SCUBE1: variants seen among roughly 807,000 people sequenced by gnomAD.
SCUBE1 encodes signal peptide, CUB domain and EGF like domain containing 1.
A neutral mutation model predicts 124.4 loss-of-function variants in SCUBE1; 59 were observed. That is an observed-to-expected ratio of 0.47 (90% CI 0.38 to 0.59). SCUBE1 has a LOEUF of 0.59. Ranked by LOEUF, SCUBE1 falls within the 20% of genes least tolerant of loss-of-function variation. The pLI, the probability that SCUBE1 is intolerant of heterozygous loss-of-function variation, is 0.00. For synonymous variants in SCUBE1, 545 were observed against 550.9 expected (o/e 0.99, Z 0.15); for missense variants, 1,150 against 1,371.2 (o/e 0.84, Z 2.55).
chr22:43,280,351 G>A (rs1299793796), intron 4 of SCUBE1, among the ~76,000 whole-genome samples: 2 of 150,140 alleles, frequency 1.3e-5, no homozygotes, highest in Middle Eastern at 3.2e-3. Context: ...GGGCTCTGCC[G>A]AGAGTCAGCT....
intron 3 of SCUBE1, among the ~76,000 whole-genome samples, chr22:43,301,692 G>A (rs1401882390): frequency 3.3e-5 from 5 of 152,160 alleles, no homozygotes; most frequent in African/African-American, 4.8e-5. Context: ...CCTTGTGACT[G>A]TTTCTGTCTA....
At chr22:43,225,608 C>A (rs1601810053) in intron 10 of SCUBE1, among the ~76,000 whole-genome samples, 1 of 150,768 alleles carries the variant, frequency 6.6e-6, no homozygotes, top group African/African-American at 2.4e-5. Context: ...AACCTCGTCT[C>A]TATTAAAAAT....
At chr22:43,220,891 C>T (rs1306390574) in intron 13 of SCUBE1, among the ~76,000 whole-genome samples, 3 of 152,178 alleles carry the variant, frequency 2.0e-5, no homozygotes, top group African/African-American at 7.2e-5. Flanking sequence ...CGGCTCTGGG[C>T]AGAGCCTGCT....
At chr22:43,327,326 C>T (rs1447003228) in intron 2 of SCUBE1, among the ~76,000 whole-genome samples, 1 of 152,156 alleles carries the variant, frequency 6.6e-6, no homozygotes, top group Non-Finnish European at 1.5e-5. Context: ...GTCTCTGTCA[C>T]AAGATCACAT....
intron 6 of SCUBE1, among the ~76,000 whole-genome samples, chr22:43,254,101 C>T (rs189105507): frequency 5.0e-4 from 76 of 152,346 alleles, no homozygotes; most frequent in Admixed American, 8.5e-4. Flanking sequence ...CAGGCCAACC[C>T]GGACTGCCCA....
rs760568363 is a variant in SCUBE1 at position 43,214,101 on chromosome 22, G to A, written c.2042C>T (p.Ser681Leu). The change falls in exon 16 of 22, where the codon TCG (serine) becomes TTG (leucine). Residue 681 changes from serine to leucine, a missense_variant. Around this residue, in one of 3 missense-constraint regions of SCUBE1, gnomAD observed 757 missense variants for 840.9 expected, o/e 0.90. Transcript: ENST00000360835. ...AGGCCCGCACTTGCCTCCACATTCC[G>A]ACACGTTGCGGGCACCAGGCAGACC... ...GLGLPGARNV[S>L]ECGGQCSPGF... 1.4e-5 allele frequency: 20 copies of A among 1,443,834 alleles called. No homozygotes were observed. Among genetic ancestry groups the A allele is most frequent in the Non-Finnish European group, 1.7e-5 (18 of 1,087,624 alleles). The allele number at this position is 1,443,834 out of a possible 1,614,324, so 89.4% of individuals were successfully genotyped here. A position where few individuals can be genotyped will look rare whatever the true frequency, so the allele number is the denominator to read the frequency against.
chr22:43,223,339 G>T, intron 10 of SCUBE1, 123 bp from the exon 11 acceptor site: 3 of 1,187,802 alleles, frequency 2.5e-6, no homozygotes, highest in Non-Finnish European at 3.4e-6. Flanking sequence ...GGCTGGGCTG[G>T]CTTGGTGGGA....
rs559916093 is a variant in SCUBE1, at chr22:43,201,788, C to G, written c.*2209G>C. 4 of 152,214 alleles carry G rather than the reference C, an allele frequency of 2.6e-5. No homozygotes were observed. Among genetic ancestry groups the G allele is most frequent in the Non-Finnish European group, 5.9e-5 (4 of 68,042 alleles). The allele number at this position is 152,214 out of a possible 1,614,324, so 9.4% of individuals were successfully genotyped here. On this transcript the variant is annotated 3_prime_UTR_variant, in exon 22 of 22. Coordinates refer to ENST00000360835, the MANE Select transcript of SCUBE1 (RefSeq NM_173050.5). ...GCCCCTCACACATCTACGTCTGTAT[C>G]CTCTGGGTTCTGATTCTCTGGAGAA...
intron 3 of SCUBE1, among the ~76,000 whole-genome samples, chr22:43,315,109 T>C (rs1926300243): frequency 6.6e-6 from 1 of 152,080 alleles, no homozygotes; most frequent in African/African-American, 2.4e-5. Context: ...AAACCAAACA[T>C]GTCTGTGGGC....
At chr22:43,246,401 G>A (rs1923212866) in intron 6 of SCUBE1, among the ~76,000 whole-genome samples, 1 of 152,170 alleles carries the variant, frequency 6.6e-6, no homozygotes, top group Admixed American at 6.5e-5. Flanking sequence ...CTGGGCCAGT[G>A]CTCTTCCGTG....
At chr22:43,278,092 G>A (rs1015688114) in intron 4 of SCUBE1, among the ~76,000 whole-genome samples, 1 of 152,268 alleles carries the variant, frequency 6.6e-6, no homozygotes, top group East Asian at 1.9e-4. Context: ...AGCCGAAAGA[G>A]TTGTTTATGG....
chr22:43,252,203 G>A (rs1039760903), intron 6 of SCUBE1, among the ~76,000 whole-genome samples: 7 of 152,208 alleles, frequency 4.6e-5, no homozygotes, highest in African/African-American at 7.2e-5. Context: ...AGTGGCCCAG[G>A]CCGCCGTGCT....
rs1209338845 is a variant in SCUBE1 at position 43,205,787 on chromosome 22, TCACCCCCACACA to T, written c.2815-1650_2815-1639del. Among the ~76,000 whole-genome samples, 3 of 18,236 alleles carry T rather than the reference TCACCCCCACACA, an allele frequency of 1.6e-4. No homozygotes were observed. In the Admixed American group the frequency reaches 2.2e-3, roughly 14 times the overall value. 12.0% of individuals were successfully genotyped at this position (18,236 alleles called of 152,430 possible). A position where few individuals can be genotyped will look rare whatever the true frequency, so the allele number is the denominator to read the frequency against. ...CACACACCACCCACTCACCACACAC[TCACCCCCACACA>T]CACCACACACCCACTCACCACTCAC... On this transcript the variant is annotated intron_variant, in intron 21 of 21. Coordinates refer to ENST00000360835, the MANE Select transcript of SCUBE1 (RefSeq NM_173050.5).
chr22:43,343,293 G>T lies in SCUBE1; in HGVS notation c.-32C>A. ...TGCGGGCCCCGCTGGGCGTGCGGGC[G>T]TGCGGGGCGCGGGGACCCGACCGAC... On this transcript the variant is annotated 5_prime_UTR_variant, in exon 1 of 22. Coordinates refer to ENST00000360835, the MANE Select transcript of SCUBE1 (RefSeq NM_173050.5). 1 of 1,062,918 alleles carries T rather than the reference G, an allele frequency of 9.4e-7. No individual in the cohort carries two copies. The highest frequency in any genetic ancestry group is 1.1e-6 in the Non-Finnish European group (1 of 875,806). The allele number at this position is 1,062,918 out of a possible 1,614,324, so 65.8% of individuals were successfully genotyped here.
chr22:43,205,783 ACACT>A (rs1246876971), intron 21 of SCUBE1, among the ~76,000 whole-genome samples: 11 of 44,108 alleles, frequency 2.5e-4, no homozygotes, highest in East Asian at 5.1e-4. Flanking sequence ...CACTCACCAC[ACACT>A]CACCCCCACA....
chr22:43,292,614 T>C (rs901407163), intron 3 of SCUBE1, among the ~76,000 whole-genome samples: 1 of 149,208 alleles, frequency 6.7e-6, no homozygotes, highest in African/African-American at 2.5e-5. Flanking sequence ...TGTTGAGCTT[T>C]TGATACACTT....
At chr22:43,216,189 G>A (rs1921802771) in intron 15 of SCUBE1, among the ~76,000 whole-genome samples, 1 of 151,872 alleles carries the variant, frequency 6.6e-6, no homozygotes, top group African/African-American at 2.4e-5. Flanking sequence ...TAGGATTGCA[G>A]GCGCTCGCCA....
intron 6 of SCUBE1, among the ~76,000 whole-genome samples, chr22:43,254,996 C>T (rs781645955): frequency 6.6e-6 from 1 of 152,204 alleles, no homozygotes; most frequent in Non-Finnish European, 1.5e-5. Flanking sequence ...CGGTAGCTTC[C>T]CTCCCAGGAG....
intron 7 of SCUBE1, 95 bp downstream of exon 7, chr22:43,238,743 G>T: frequency 9.8e-7 from 1 of 1,021,720 alleles, no homozygotes. Context: ...CGTGGCCCCC[G>T]TTCAGCCCAG....
Sources: allele counts gnomAD v4.1 joint callset (sites outside exome capture counted in the v4.1 genomes callset), GRCh38; gene constraint gnomAD v4.1.1; regional missense constraint gnomAD v4.1.1; transcripts MANE v1.5; gene names NCBI Gene and HGNC (gene_info 2026-07-23, HGNC 2026-07-21).